The following VPS13B variants were observed in gnomAD, a reference collection of about 807,000 sequenced individuals.
VPS13B encodes the protein intermembrane lipid transfer protein VPS13B.
VPS13B carries 285 observed loss-of-function variants against 426.4 expected under a neutral mutation model. That is an observed-to-expected ratio of 0.67 (90% CI 0.61 to 0.74). The LOEUF is 0.74. Ranked by LOEUF, VPS13B falls within the 30% of genes least tolerant of loss-of-function variation. The pLI is 0.00. For synonymous variants in VPS13B, 1,676 were observed against 1,676.4 expected, an observed-to-expected ratio of 1.00 and a Z score of 0.01; for missense variants, 4,537 against 4,782.6, an observed-to-expected ratio of 0.95 and a Z score of 1.51.
intron 8 of VPS13B, among the ~76,000 whole-genome samples, chr8:99,123,236 G>A (rs1007728516): frequency 2.6e-5 from 4 of 152,024 alleles, no homozygotes; most frequent in African/African-American, 9.7e-5. Context: ...ATCAGGGAAG[G>A]CCTTATTATG....
At chr8:99,765,521 A>T (rs1424346884) in intron 39 of VPS13B, among the ~76,000 whole-genome samples, 1 of 152,100 alleles carries the variant, frequency 6.6e-6, no homozygotes, top group Non-Finnish European at 1.5e-5. Context: ...AAGGAATAAG[A>T]CTCCTGGTCA....
intron 19 of VPS13B, among the ~76,000 whole-genome samples, chr8:99,302,512 A>T (rs1820419482): frequency 1.3e-5 from 2 of 148,192 alleles, no homozygotes; most frequent in Admixed American, 6.7e-5. Context: ...TACTCTATTG[A>T]TTTTTTTTTT....
rs145846582 is a variant in VPS13B, at chr8:99,766,890, G to A, written c.7167G>A (p.Val2389=). 17 of 1,613,924 alleles carry A rather than the reference G, an allele frequency of 1.1e-5. No individual in the cohort carries two copies. Among genetic ancestry groups the A allele is most frequent in the African/African-American group, 1.3e-5 (1 of 74,930 alleles). Residue 2389 remains valine (V), a synonymous_variant, in exon 40 of 62, where the codon GTG becomes GTA. Transcript: ENST00000357162. ...TGCAGTTGCCGGATATCAATCTCGT[G>A]AATGACCAGAAGAAATTAGTATCTT... ...CELQLPDINL[V]NDQKKLVSSD... is the part of the protein sequence containing the mutation.
At chr8:99,606,652 G>A (rs1425018774) in intron 33 of VPS13B, among the ~76,000 whole-genome samples, 6 of 132,196 alleles carry the variant, frequency 4.5e-5, no homozygotes, top group Non-Finnish European at 4.7e-5. Context: ...TTTTTGAGAC[G>A]GAGTTTCACT....
chr8:99,871,836 G>A (rs1186066572), intron 61 of VPS13B, 139 bp downstream of exon 61: 17 of 1,513,636 alleles, frequency 1.1e-5, no homozygotes, highest in Non-Finnish European at 1.4e-5. Context: ...CTACCCAGAG[G>A]AGGAAGTGTA....
intron 5 of VPS13B, among the ~76,000 whole-genome samples, chr8:99,107,911 T>A (rs1318719356): frequency 6.6e-6 from 1 of 152,218 alleles, no homozygotes; most frequent in Non-Finnish European, 1.5e-5. Context: ...AATTGCATGT[T>A]GCATGCATTT....
At position 99,026,884 on chromosome 8, in the gene VPS13B, T is replaced by G. The variant is rs1347561724; in HGVS notation, c.148-11539T>G. Among the ~76,000 whole-genome samples, 3 of 152,032 alleles carry G rather than the reference T, an allele frequency of 2.0e-5. No homozygotes were observed. In the South Asian group the frequency reaches 6.2e-4, roughly 32 times the overall value. On this transcript the variant is annotated intron_variant, in intron 2 of 61. Coordinates refer to ENST00000357162, the MANE Select transcript of VPS13B (RefSeq NM_152564.5). ...GGTCTTGTTTTATTTATTTTTTTTT[T>G]CCCCCGCTCCGAGACGGAGTCTCAC...
intron 4 of VPS13B, 94 bp downstream of exon 4, chr8:99,096,526 C>G: frequency 6.5e-7 from 1 of 1,545,292 alleles, no homozygotes; most frequent in South Asian, 1.1e-5. Flanking sequence ...GGGGCTGAGG[C>G]GGGTGGATTA....
chr8:99,835,716 A>G lies in VPS13B; in HGVS notation c.9920A>G (p.Asp3307Gly), dbSNP rs1400316930. The part of the protein sequence containing the change: ...EVTTEWSDAI[D>G]INSQGTQVVF... The stretch of plus-strand genomic sequence containing the variant: ...ACAACTGAGTGGAGTGATGCCATTG[A>G]CATCAACAGTCAGGGAACACAGGTC... The change falls in exon 54 of 62, where the codon GAC (aspartate) becomes GGC (glycine). Residue 3307 changes from aspartate (D) to glycine (G), a missense_variant. Coordinates refer to ENST00000357162, the MANE Select transcript of VPS13B (RefSeq NM_152564.5). The G allele has an allele frequency of 2.5e-6, 4 of 1,614,162 alleles. No individual in the cohort carries two copies. The African/African-American group carries it at 4.0e-5, about 16-fold the overall frequency.
In VPS13B at chr8:99,720,767, A is replaced by AT. The variant is rs373762303; in HGVS notation, c.6866-95dup. 4 of 1,273,662 alleles carry AT rather than the reference A, an allele frequency of 3.1e-6. No homozygotes were observed. In the African/African-American group the frequency reaches 6.0e-5, roughly 19 times the overall value. The allele number at this position is 1,273,662 out of a possible 1,614,324, so 78.9% of individuals were successfully genotyped here. A position where few individuals can be genotyped will look rare whatever the true frequency, so the allele number is the denominator to read the frequency against. On this transcript the variant is annotated intron_variant, in intron 38 of 61. Coordinates refer to ENST00000357162, the MANE Select transcript of VPS13B (RefSeq NM_152564.5). ...ATAAAAATGACCAACTAGCTTCTTT[A>AT]TATCTTTTATTCTCATAATTTCTTC...
At chr8:99,220,780 C>CTT (rs5893485) in intron 17 of VPS13B, among the ~76,000 whole-genome samples, 67,435 of 112,746 alleles carry the variant, frequency 0.6, 19,734 homozygotes, top group South Asian at 0.74. Flanking sequence ...TAGTTTTATT[C>CTT]TTTTTTTTTT....
chr8:99,287,385 C>T (rs937006448), intron 19 of VPS13B, among the ~76,000 whole-genome samples: 4 of 151,968 alleles, frequency 2.6e-5, no homozygotes, highest in African/African-American at 9.7e-5. Flanking sequence ...TATCTACACA[C>T]ATGAGAGTTT....
At chr8:99,619,395 G>A (rs1395925131) in intron 33 of VPS13B, among the ~76,000 whole-genome samples, 1 of 152,152 alleles carries the variant, frequency 6.6e-6, no homozygotes, top group Non-Finnish European at 1.5e-5. Context: ...AGTAGGTAAT[G>A]ATTAATGTCT....
intron 35 of VPS13B, among the ~76,000 whole-genome samples, chr8:99,669,466 C>T (rs533418644): frequency 5.3e-4 from 80 of 152,012 alleles, no homozygotes; most frequent in Non-Finnish European, 1.0e-3. Context: ...AAAAATGCCA[C>T]ATTGGGAAAA....
At chr8:99,297,382 G>A (rs547489728) in intron 19 of VPS13B, among the ~76,000 whole-genome samples, 53 of 150,472 alleles carry the variant, frequency 3.5e-4, no homozygotes, top group African/African-American at 1.3e-3. Flanking sequence ...AATCACATTT[G>A]TAACTTTATA....
chr8:99,501,616 A>AT, intron 25 of VPS13B, 71 bp from the exon 26 acceptor site: 2 of 1,462,150 alleles, frequency 1.4e-6, no homozygotes, highest in Non-Finnish European at 1.9e-6. Flanking sequence ...TCTGATTTTA[A>AT]TTTATAATTT....
intron 2 of VPS13B, among the ~76,000 whole-genome samples, chr8:99,028,632 A>C (rs1280233713): frequency 8.9e-4 from 47 of 52,630 alleles, no homozygotes; most frequent in South Asian, 1.6e-3. Context: ...GACCCCCCCC[A>C]CCTCCCTCCC....
chr8:99,592,083 C>A (rs958227194), intron 33 of VPS13B, among the ~76,000 whole-genome samples: 1 of 151,114 alleles, frequency 6.6e-6, no homozygotes, highest in Admixed American at 6.6e-5. Flanking sequence ...ATCACTGATA[C>A]CTTTTCTTCC....
At chr8:99,721,229 A>G (rs999336999) in intron 39 of VPS13B, among the ~76,000 whole-genome samples, 182 bp downstream of exon 39, 12 of 152,172 alleles carry the variant, frequency 7.9e-5, no homozygotes, top group African/African-American at 2.4e-4. Flanking sequence ...AAAATAAGGT[A>G]ATAATGTAAT....
Sources: gnomAD v4.1 joint callset for allele counts (sites outside exome capture counted in the v4.1 genomes callset) on GRCh38, gnomAD v4.1.1 for gene constraint, MANE v1.5 for transcripts, NCBI Gene and HGNC (gene_info 2026-07-23, HGNC 2026-07-21) for gene names.